Variants in NXPE2 observed in about 807,000 individuals in gnomAD.
NXPE2 encodes neurexophilin and PC-esterase domain family member 2, also known as NXPE family member 2.
A neutral mutation model predicts 34.4 loss-of-function variants in NXPE2; 34 were observed. The observed-to-expected ratio is 0.99, with a 90% confidence interval of 0.75 to 1.31. NXPE2 has a LOEUF of 1.31. NXPE2 is among the 40% of genes most tolerant of loss of function. The probability of loss-of-function intolerance (pLI) is 0.00; values close to 1 mark genes in which losing one functional copy is unlikely to be tolerated. For missense variants in NXPE2, 649 were observed against 672.5 expected (o/e 0.97, Z 0.39); for synonymous variants, 235 against 231.3 (o/e 1.02, Z -0.15).
chr11:114,526,468 G>C, the NXPE2 span: 2 of 66,164 alleles, frequency 3.0e-5, no homozygotes, highest in Non-Finnish European at 6.5e-5. Flanking sequence ...TCATGCTTTT[G>C]TTAAATTGTG....
chr11:114,661,510 G>C, the NXPE2 span, among the ~76,000 whole-genome samples: 1 of 152,180 alleles, frequency 6.6e-6, no homozygotes, highest in Non-Finnish European at 1.5e-5. Context: ...TATTGCAACT[G>C]ATGGACTTCA....
At chr11:114,618,554 A>G in the NXPE2 span, among the ~76,000 whole-genome samples, 1 of 151,924 alleles carries the variant, frequency 6.6e-6, no homozygotes, top group African/African-American at 2.4e-5. Context: ...GATCACTGTT[A>G]CCCAGTGGAT....
the NXPE2 span, among the ~76,000 whole-genome samples, chr11:114,725,059 C>T: frequency 4.6e-5 from 7 of 151,856 alleles, no homozygotes; most frequent in African/African-American, 1.7e-4. Flanking sequence ...GTATATTGCC[C>T]ACACTAACAA....
At chr11:114,583,949 G>T in the NXPE2 span, 1 of 390,888 alleles carries the variant, frequency 2.6e-6, no homozygotes, top group Non-Finnish European at 5.0e-6. Flanking sequence ...AGATGGGATT[G>T]ATGATGAGTC....
At chr11:114,610,258 G>A in the NXPE2 span, among the ~76,000 whole-genome samples, 1 of 151,616 alleles carries the variant, frequency 6.6e-6, no homozygotes, top group East Asian at 2.0e-4. Context: ...TTACCCTCTG[G>A]ATAATAGGTG....
the NXPE2 span, chr11:114,554,357 G>A: frequency 3.1e-5 from 31 of 985,200 alleles, no homozygotes; most frequent in African/African-American, 4.4e-4. Context: ...GTAAATGAGA[G>A]GGGGCAGCAG....
the NXPE2 span, among the ~76,000 whole-genome samples, chr11:114,633,112 T>C: frequency 2.4e-5 from 3 of 122,498 alleles, no homozygotes; most frequent in African/African-American, 3.2e-5. Context: ...TTTTACATTA[T>C]ATTTTATATA....
chr11:114,508,476 T>C, the NXPE2 span, among the ~76,000 whole-genome samples: 1 of 152,230 alleles, frequency 6.6e-6, no homozygotes, highest in Non-Finnish European at 1.5e-5. Flanking sequence ...GGCATCATGC[T>C]ACCTGACTGC....
the NXPE2 span, among the ~76,000 whole-genome samples, chr11:114,603,788 G>C: frequency 8.6e-5 from 13 of 151,670 alleles, no homozygotes; most frequent in African/African-American, 2.7e-4. Flanking sequence ...GTTACCTGGA[G>C]GATAATAAGT....
chr11:114,809,281 C>A, the NXPE2 span, among the ~76,000 whole-genome samples: 1 of 151,890 alleles, frequency 6.6e-6, no homozygotes, highest in East Asian at 1.9e-4. Flanking sequence ...TGAAAACTGG[C>A]ACAAGACAGG....
At chr11:114,684,511 C>T (rs1261109057) in intron 2 of NXPE2, among the ~76,000 whole-genome samples, 1 of 152,064 alleles carries the variant, frequency 6.6e-6, no homozygotes, top group Non-Finnish European at 1.5e-5. Context: ...GTGACATTTC[C>T]TTGGATGAAG....
At chr11:114,685,982 T>G (rs1235261636) in intron 2 of NXPE2, among the ~76,000 whole-genome samples, 1 of 152,080 alleles carries the variant, frequency 6.6e-6, no homozygotes, top group Non-Finnish European at 1.5e-5. Flanking sequence ...GGAAAGGAAA[T>G]GTTCTGTATC....
At chr11:114,502,914 T>C in the NXPE2 span, among the ~76,000 whole-genome samples, 7 of 152,178 alleles carry the variant, frequency 4.6e-5, no homozygotes, top group Non-Finnish European at 1.5e-5. Flanking sequence ...ATTTATTTAC[T>C]CTTTTAGCCA....
At chr11:114,472,233 CAG>C in the NXPE2 span, among the ~76,000 whole-genome samples, 1 of 152,300 alleles carries the variant, frequency 6.6e-6, no homozygotes, top group Non-Finnish European at 1.5e-5. Context: ...GCACAAACTG[CAG>C]AGTTGTATTT....
At chr11:114,602,966 C>G in the NXPE2 span, among the ~76,000 whole-genome samples, 2 of 149,670 alleles carry the variant, frequency 1.3e-5, no homozygotes, top group African/African-American at 4.9e-5. Context: ...TATACAATTA[C>G]AGAATCATAT....
upstream of NXPE2, among the ~76,000 whole-genome samples, chr11:114,673,608 A>G (rs143701670): frequency 7.4e-4 from 113 of 151,990 alleles, no homozygotes; most frequent in African/African-American, 2.6e-3. Flanking sequence ...GAAAACTCAA[A>G]TTACTAAAAT....
At chr11:114,690,105 G>C (rs1951123060) in intron 2 of NXPE2, among the ~76,000 whole-genome samples, 1 of 152,070 alleles carries the variant, frequency 6.6e-6, no homozygotes, top group African/African-American at 2.4e-5. Context: ...ATTGATAATT[G>C]ATATGTAAGG....
chr11:114,487,106 A>G, the NXPE2 span, among the ~76,000 whole-genome samples: 3 of 152,176 alleles, frequency 2.0e-5, no homozygotes, highest in African/African-American at 7.2e-5. Flanking sequence ...CATTTTAACA[A>G]TATTGATTCT....
chr11:114,487,995 G>A, the NXPE2 span, among the ~76,000 whole-genome samples: 18 of 152,030 alleles, frequency 1.2e-4, no homozygotes, highest in African/African-American at 4.3e-4. Context: ...TCTGGTTTTG[G>A]TGTCAGAGTA....
Sources: allele counts gnomAD v4.1 joint callset (sites outside exome capture counted in the v4.1 genomes callset), GRCh38; gene constraint gnomAD v4.1.1; transcripts MANE v1.5; gene names NCBI Gene and HGNC (gene_info 2026-07-23, HGNC 2026-07-21).